Variants in GALNT8 observed in about 807,000 individuals in gnomAD.
GALNT8 encodes the protein polypeptide N-acetylgalactosaminyltransferase 8, also known as probable polypeptide N-acetylgalactosaminyltransferase 8.
GALNT8 carries 66 observed loss-of-function variants against 62.7 expected under a neutral mutation model. That is an observed-to-expected ratio of 1.05 (90% CI 0.86 to 1.29). The LOEUF is 1.29. Ranked by LOEUF, GALNT8 falls within the 50% of genes most tolerant of loss-of-function variation. The pLI is 0.00. For missense variants in GALNT8, 771 were observed against 791.8 expected (o/e 0.97, Z 0.32); for synonymous variants, 288 against 294.3 (o/e 0.98, Z 0.22).
intron 6 of GALNT8, among the ~76,000 whole-genome samples, chr12:4,758,623 TGTGTGTGTGTGTGTGAGA>T (rs1459518970): frequency 4.3e-5 from 4 of 93,644 alleles, no homozygotes; most frequent in African/African-American, 1.4e-4. Context: ...TGTGTGTGTG[TGTGTGTGTGTGTGTGAGA>T]GAGAGAGAGA....
intron 2 of GALNT8, among the ~76,000 whole-genome samples, chr12:4,730,105 G>A (rs1269482538): frequency 6.6e-6 from 1 of 151,752 alleles, no homozygotes; most frequent in African/African-American, 2.4e-5. Context: ...TATATATTTT[G>A]GATATTAACT....
At chr12:4,743,843 G>A (rs1444832347) in intron 3 of GALNT8, among the ~76,000 whole-genome samples, 2 of 152,160 alleles carry the variant, frequency 1.3e-5, no homozygotes, top group African/African-American at 4.8e-5. Context: ...TGATTTGCCT[G>A]CAAGTGGTTT....
chr12:4,762,437 A>T (rs1056543022), intron 7 of GALNT8, among the ~76,000 whole-genome samples: 1 of 152,180 alleles, frequency 6.6e-6, no homozygotes, highest in Non-Finnish European at 1.5e-5. Flanking sequence ...CACAAATATC[A>T]CTTCTAAAAA....
At chr12:4,771,917 C>A (rs74823737) in intron 10 of GALNT8, among the ~76,000 whole-genome samples, 25 of 152,304 alleles carry the variant, frequency 1.6e-4, no homozygotes, top group African/African-American at 5.8e-4. Context: ...AGCACTAAAG[C>A]CTATCATGTT....
intron 5 of GALNT8, 64 bp from the exon 6 acceptor site, chr12:4,746,080 G>A (rs865934853): frequency 1.1e-6 from 1 of 893,322 alleles, no homozygotes; most frequent in South Asian, 1.4e-5. Context: ...TAATCATTGA[G>A]CATCCCACCC....
intron 10 of GALNT8, among the ~76,000 whole-genome samples, chr12:4,767,290 A>G (rs567059057): frequency 6.6e-6 from 1 of 151,810 alleles, no homozygotes; most frequent in Non-Finnish European, 1.5e-5. Context: ...TCTTTTCATC[A>G]TTTGGCTGTG....
At chr12:4,747,428 A>G (rs564650451) in intron 6 of GALNT8, among the ~76,000 whole-genome samples, 3 of 152,152 alleles carry the variant, frequency 2.0e-5, no homozygotes, top group Admixed American at 6.5e-5. Context: ...CATGAGTTCA[A>G]TTGTTTTGAT....
chr12:4,770,636 A>G (rs948614333), intron 10 of GALNT8, among the ~76,000 whole-genome samples: 2 of 152,190 alleles, frequency 1.3e-5, no homozygotes, highest in Non-Finnish European at 2.9e-5. Flanking sequence ...AAGTGTGATC[A>G]CTAGCTCCAT....
At chr12:4,768,473 C>A in intron 10 of GALNT8, 1 of 354,586 alleles carries the variant, frequency 2.8e-6, no homozygotes, top group Non-Finnish European at 5.7e-6. Context: ...ATTATGCATT[C>A]CAAACATTTT....
chr12:4,722,449 T>A (rs1358476595), intron 1 of GALNT8, among the ~76,000 whole-genome samples: 3 of 152,076 alleles, frequency 2.0e-5, no homozygotes, highest in African/African-American at 7.2e-5. Context: ...CCTAATAGGG[T>A]TGTGAAGTAG....
intron 2 of GALNT8, among the ~76,000 whole-genome samples, chr12:4,736,828 G>A (rs927704801): frequency 6.6e-6 from 1 of 152,098 alleles, no homozygotes; most frequent in Non-Finnish European, 1.5e-5. Context: ...ACAGGAAAGG[G>A]TAATAACTCG....
Position 4,730,730 on chromosome 12 carries a change from G to C in GALNT8, c.509+3901G>C, listed in dbSNP as rs541634173. 5.3e-5 allele frequency among the ~76,000 whole-genome samples: 8 copies of C among 152,070 alleles called. No individual in the cohort carries two copies. In the East Asian group the frequency reaches 1.3e-3, roughly 26 times the overall value. On this transcript the variant is annotated intron_variant, in intron 2 of 10. Transcript: ENST00000252318. ...GGTTCCATTTAGAACTTTTAGAGTT[G>C]TTTTTTCTATCTGTAAAAAAAGGTC... is the stretch of plus-strand genomic sequence containing the variant.
intron 1 of GALNT8, among the ~76,000 whole-genome samples, chr12:4,725,543 T>G (rs1292287130): frequency 6.6e-6 from 1 of 150,558 alleles, no homozygotes; most frequent in Non-Finnish European, 1.5e-5. Context: ...AACAAGCTTT[T>G]GAAGACATTC....
rs540436216 is a variant in GALNT8, at chr12:4,721,698, A to T, written c.211+810A>T. On this transcript the variant is annotated intron_variant, in intron 1 of 10. Transcript: ENST00000252318. ...GACATTCCATTGCCCAGGGACGGGC[A>T]GGAGACAGATGCCTTCCTCTTGTCT... 8.5e-5 allele frequency among the ~76,000 whole-genome samples: 13 copies of T among 152,204 alleles called. No homozygotes were observed. In the South Asian group the frequency reaches 2.5e-3, roughly 29 times the overall value.
At chr12:4,755,247 G>A (rs1003105869) in intron 6 of GALNT8, among the ~76,000 whole-genome samples, 1 of 152,220 alleles carries the variant, frequency 6.6e-6, no homozygotes. Context: ...CTGGTGGCAA[G>A]GTTTGTGGGA....
intron 10 of GALNT8, among the ~76,000 whole-genome samples, chr12:4,769,800 G>T (rs1002548757): frequency 6.6e-6 from 1 of 151,984 alleles, no homozygotes; most frequent in African/African-American, 2.4e-5. Context: ...TGACCTCATG[G>T]ATGATCTCAG....
intron 7 of GALNT8, among the ~76,000 whole-genome samples, chr12:4,762,975 GGTTACAGCTCCGT>G (rs1358901877): frequency 6.6e-6 from 1 of 152,236 alleles, no homozygotes; most frequent in East Asian, 1.9e-4. Context: ...CAGCTGGATT[GGTTACAGCTCCGT>G]GTTTGCCTTA....
At chr12:4,730,974 G>A (rs867162173) in intron 2 of GALNT8, among the ~76,000 whole-genome samples, 1 of 149,356 alleles carries the variant, frequency 6.7e-6, no homozygotes, top group Non-Finnish European at 1.5e-5. Context: ...CAGCCTCTCC[G>A]AGTAGCTGGG....
intron 6 of GALNT8, among the ~76,000 whole-genome samples, chr12:4,752,609 T>G (rs969556005): frequency 6.6e-6 from 1 of 152,090 alleles, no homozygotes; most frequent in Non-Finnish European, 1.5e-5. Flanking sequence ...TTGTTTCTAT[T>G]TATATCTTAC....
Sources: allele counts gnomAD v4.1 joint callset (sites outside exome capture counted in the v4.1 genomes callset), GRCh38; gene constraint gnomAD v4.1.1; transcripts MANE v1.5; gene names NCBI Gene and HGNC (gene_info 2026-07-23, HGNC 2026-07-21).